The following SYT6 variants were observed in gnomAD, a reference collection of about 807,000 sequenced individuals.
SYT6 encodes the protein synaptotagmin-6.
Under a neutral mutation model 38.4 loss-of-function variants are expected in SYT6, and 24 were observed. That is an observed-to-expected ratio of 0.62 (90% confidence interval 0.45 to 0.88). The LOEUF (loss-of-function observed/expected upper bound fraction) is 0.88. Ranked by LOEUF, SYT6 falls within the 40% of genes least tolerant of loss-of-function variation. The pLI is 0.00. For synonymous variants in SYT6, 265 were observed against 241.9 expected, an observed-to-expected ratio of 1.10 and a Z score of -0.89; for missense variants, 611 against 621.0, an observed-to-expected ratio of 0.98 and a Z score of 0.17.
rs200198215 is a variant in SYT6, at chr1:114,137,955, A to G, written c.611T>C (p.Ile204Thr). ...LPPAAEQPTSIGRIKPELYKQ... is the reference protein window; with the variant it reads ...LPPAAEQPTSTGRIKPELYKQ... ...GTAGAGCTCAGGCTTGATGCGGCCA[A>G]TGCTGGTGGGCTGCTCTGCTGCTGG... The change falls in exon 3 of 8, where the codon ATT becomes ACT. Residue 204 changes from isoleucine to threonine, a missense_variant. Ile to Thr is a moderately conservative substitution (Grantham distance 89). Transcript: ENST00000610222. The G allele has an allele frequency of 6.8e-6, 11 of 1,613,950 alleles. No individual in the cohort carries two copies. Among genetic ancestry groups the G allele is most frequent in the South Asian group, 2.2e-5 (2 of 91,032 alleles).
At chr1:114,101,436 T>C (rs1437901958) in intron 4 of SYT6, among the ~76,000 whole-genome samples, 1 of 152,184 alleles carries the variant, frequency 6.6e-6, no homozygotes, top group East Asian at 1.9e-4. Flanking sequence ...CTCATTGTCA[T>C]GGGAGCAATC....
At chr1:114,120,136 G>C (rs1677303233) in intron 3 of SYT6, among the ~76,000 whole-genome samples, 1 of 152,142 alleles carries the variant, frequency 6.6e-6, no homozygotes, top group South Asian at 2.1e-4. Context: ...TTGTGAGCTA[G>C]GTTTTATAAT....
chr1:114,150,031 G>C (rs1471844574), intron 1 of SYT6, among the ~76,000 whole-genome samples: 1 of 152,122 alleles, frequency 6.6e-6, no homozygotes, highest in South Asian at 2.1e-4. Flanking sequence ...AGTTTAGTCG[G>C]AACTTTGTCT....
intron 3 of SYT6, among the ~76,000 whole-genome samples, chr1:114,123,944 T>G (rs1458568000): frequency 2.0e-5 from 3 of 152,184 alleles, no homozygotes; most frequent in Non-Finnish European, 4.4e-5. Flanking sequence ...CCTCTAACAC[T>G]CTGTCTCTTT....
chr1:114,119,017 C>T lies in SYT6; in HGVS notation c.1072-15296G>A, dbSNP rs1677184747. ...AGGGCATCCAGCAACTCAGTCCCAGCCCAGTCCTTCCTAGAGATAAAGGTG... is the reference window on the plus strand; with the variant it reads ...AGGGCATCCAGCAACTCAGTCCCAGTCCAGTCCTTCCTAGAGATAAAGGTG... On this transcript the variant is annotated intron_variant, in intron 3 of 7. Transcript: ENST00000610222. Among the ~76,000 whole-genome samples, 3 of 152,322 alleles carry T rather than the reference C, an allele frequency of 2.0e-5. No homozygotes were observed. In the South Asian group the frequency reaches 6.2e-4, roughly 32 times the overall value.
intron 7 of SYT6, among the ~76,000 whole-genome samples, 196 bp downstream of exon 7, chr1:114,093,539 G>C (rs1675443665): frequency 6.6e-6 from 1 of 152,170 alleles, no homozygotes; most frequent in African/African-American, 2.4e-5. Context: ...TCGCAAATAA[G>C]AAAACAAAGA....
At chr1:114,119,963 C>T (rs1452823385) in intron 3 of SYT6, among the ~76,000 whole-genome samples, 7 of 151,230 alleles carry the variant, frequency 4.6e-5, no homozygotes, top group African/African-American at 7.3e-5. Flanking sequence ...CCCAGCTACT[C>T]GGGCGGCTGA....
intron 4 of SYT6, among the ~76,000 whole-genome samples, 198 bp downstream of exon 4, chr1:114,103,403 C>A (rs1486276858): frequency 1.3e-5 from 2 of 152,236 alleles, no homozygotes; most frequent in Non-Finnish European, 1.5e-5. Flanking sequence ...TATTATTACT[C>A]CCACTTTTCA....
intron 2 of SYT6, 118 bp downstream of exon 2, chr1:114,139,497 A>G: frequency 7.0e-7 from 1 of 1,438,334 alleles, no homozygotes; most frequent in Non-Finnish European, 9.3e-7. Context: ...CATATTTGTC[A>G]ATCAAAGGAT....
In SYT6 at chr1:114,091,748, T is replaced by TA. The variant is rs1675312612; in HGVS notation, c.*385_*386insT. On this transcript the variant is annotated 3_prime_UTR_variant, in exon 8 of 8. Coordinates refer to ENST00000610222, the MANE Select transcript of SYT6 (RefSeq NM_001253772.2). ...CCACCCTTTGTCTTTTCCTACTCTT[T>TA]TTTTTTTTCCCTTTTCTTACCAGCA... 6.0e-6 allele frequency: 2 copies of TA among 335,702 alleles called. No individual in the cohort carries two copies. The highest frequency in any genetic ancestry group is 1.1e-5 in the Non-Finnish European group (2 of 187,100). 20.8% of individuals were successfully genotyped at this position (335,702 alleles called of 1,614,324 possible). A position where few individuals can be genotyped will look rare whatever the true frequency, so the allele number is the denominator to read the frequency against.
At chr1:114,150,462 G>A (rs1382890554) in intron 1 of SYT6, among the ~76,000 whole-genome samples, 1 of 152,174 alleles carries the variant, frequency 6.6e-6, no homozygotes, top group Non-Finnish European at 1.5e-5. Flanking sequence ...TCCTTCCAGT[G>A]AGAAGGACAA....
chr1:114,133,412 G>A (rs746476486), intron 3 of SYT6, among the ~76,000 whole-genome samples: 1 of 152,162 alleles, frequency 6.6e-6, no homozygotes, highest in African/African-American at 2.4e-5. Context: ...TAGCAAACCC[G>A]GGTGACGGCA....
At chr1:114,143,300 A>G (rs1351781336) in intron 1 of SYT6, among the ~76,000 whole-genome samples, 1 of 149,250 alleles carries the variant, frequency 6.7e-6, no homozygotes, top group East Asian at 1.9e-4. Flanking sequence ...ACACAAAGTT[A>G]TATATATGTT....
intron 6 of SYT6, among the ~76,000 whole-genome samples, chr1:114,096,638 G>A (rs1248298960): frequency 1.3e-5 from 2 of 152,190 alleles, no homozygotes; most frequent in Admixed American, 6.5e-5. Flanking sequence ...GCAGGGAGCC[G>A]GCAGGTTCTA....
intron 3 of SYT6, among the ~76,000 whole-genome samples, chr1:114,128,538 A>G (rs1364214820): frequency 3.3e-5 from 5 of 152,192 alleles, no homozygotes; most frequent in Non-Finnish European, 7.3e-5. Context: ...TTCCCCCAGA[A>G]TAACACGGCC....
At chr1:114,139,324 C>T (rs1678703802) in intron 2 of SYT6, among the ~76,000 whole-genome samples, 1 of 152,074 alleles carries the variant, frequency 6.6e-6, no homozygotes, top group Admixed American at 6.6e-5. Context: ...TCCTTCCAAA[C>T]ATCCAACACT....
At chr1:114,096,283 T>C (rs1227917676) in intron 6 of SYT6, among the ~76,000 whole-genome samples, 5 of 152,016 alleles carry the variant, frequency 3.3e-5, no homozygotes, top group Admixed American at 1.3e-4. Context: ...GGGCAGGGGC[T>C]CCCCTGGGGG....
At chr1:114,142,037 A>G (rs1470750360) in intron 1 of SYT6, among the ~76,000 whole-genome samples, 2 of 152,216 alleles carry the variant, frequency 1.3e-5, no homozygotes, top group Admixed American at 6.5e-5. Context: ...CAGATGTACA[A>G]GGAGATAAAT....
intron 4 of SYT6, among the ~76,000 whole-genome samples, chr1:114,100,265 A>G (rs925106870): frequency 6.6e-6 from 1 of 152,208 alleles, no homozygotes; most frequent in African/African-American, 2.4e-5. Flanking sequence ...ATAGCTTTCG[A>G]GACGCTGATG....
Sources: gnomAD v4.1 joint callset for allele counts (sites outside exome capture counted in the v4.1 genomes callset) on GRCh38, gnomAD v4.1.1 for gene constraint, MANE v1.5 for transcripts, NCBI Gene and HGNC (gene_info 2026-07-23, HGNC 2026-07-21) for gene names.